DNAJC1: variants seen among roughly 807,000 people sequenced by gnomAD.
DNAJC1 encodes the protein DnaJ heat shock protein family (Hsp40) member C1.
A neutral mutation model predicts 76.6 loss-of-function variants in DNAJC1; 58 were observed. That is an observed-to-expected ratio of 0.76 (90% CI 0.61 to 0.94). The LOEUF is 0.94. DNAJC1 is among the 40% of genes least tolerant of loss of function. The probability of loss-of-function intolerance (pLI) is 0.00; values close to 1 mark genes in which losing one functional copy is unlikely to be tolerated. For missense variants in DNAJC1, 689 were observed against 677.3 expected, an observed-to-expected ratio of 1.02 and a Z score of -0.19; for synonymous variants, 258 against 267.9, an observed-to-expected ratio of 0.96 and a Z score of 0.36.
intron 1 of DNAJC1, among the ~76,000 whole-genome samples, chr10:21,969,245 G>T (rs75193939): frequency 4.0e-4 from 57 of 141,798 alleles, no homozygotes; most frequent in African/African-American, 1.4e-3. Context: ...AAAAAAAAAG[G>T]AGGAAAATCC....
chr10:21,775,460 T>C (rs942204101), intron 9 of DNAJC1, among the ~76,000 whole-genome samples: 18 of 151,054 alleles, frequency 1.2e-4, no homozygotes, highest in African/African-American at 4.4e-4. Context: ...CCTCAAATGA[T>C]CATTTATGAT....
chr10:21,888,876 G>A (rs1836411901), intron 7 of DNAJC1, among the ~76,000 whole-genome samples: 1 of 152,022 alleles, frequency 6.6e-6, no homozygotes, highest in African/African-American at 2.4e-5. Context: ...AAGTCCCTGT[G>A]ACATGAGTTT....
chr10:21,877,596 A>G (rs566686343), intron 8 of DNAJC1, among the ~76,000 whole-genome samples: 53 of 152,216 alleles, frequency 3.5e-4, no homozygotes, highest in Non-Finnish European at 6.5e-4. Flanking sequence ...TCATCAAAGG[A>G]TGCAAATTAG....
intron 11 of DNAJC1, among the ~76,000 whole-genome samples, chr10:21,758,931 C>T (rs1834207488): frequency 6.6e-6 from 1 of 152,204 alleles, no homozygotes; most frequent in South Asian, 2.1e-4. Flanking sequence ...TTTCTATAAG[C>T]AGCTGCCCTG....
chr10:21,839,412 A>C (rs1835531733), intron 8 of DNAJC1, among the ~76,000 whole-genome samples: 1 of 152,218 alleles, frequency 6.6e-6, no homozygotes, highest in Non-Finnish European at 1.5e-5. Context: ...AAAATGATAA[A>C]GGGGATATCA....
At chr10:21,796,280 T>C (rs935212724) in intron 9 of DNAJC1, among the ~76,000 whole-genome samples, 47 of 152,160 alleles carry the variant, frequency 3.1e-4, no homozygotes, top group Non-Finnish European at 3.5e-4. Context: ...ATTCCTTCTT[T>C]TTCATGAATG....
chr10:21,960,843 C>T (rs1837779003), intron 1 of DNAJC1, among the ~76,000 whole-genome samples: 1 of 152,172 alleles, frequency 6.6e-6, no homozygotes, highest in South Asian at 2.1e-4. Context: ...CACCGTGGCA[C>T]ATGTATACAT....
intron 6 of DNAJC1, among the ~76,000 whole-genome samples, chr10:21,916,069 T>C (rs1032297600): frequency 2.0e-5 from 3 of 152,164 alleles, no homozygotes; most frequent in Admixed American, 1.3e-4. Flanking sequence ...ACCATATATA[T>C]CTACAAAGAT....
chr10:21,778,094 C>T (rs1258434630), intron 9 of DNAJC1, among the ~76,000 whole-genome samples: 1 of 152,142 alleles, frequency 6.6e-6, no homozygotes. Context: ...GAGGCTGAAG[C>T]ATGAGAATCG....
intron 8 of DNAJC1, among the ~76,000 whole-genome samples, chr10:21,854,659 T>G (rs1324592553): frequency 6.6e-6 from 1 of 152,140 alleles, no homozygotes; most frequent in Non-Finnish European, 1.5e-5. Flanking sequence ...GTGAAAAGCA[T>G]TCTCAGATTT....
intron 1 of DNAJC1, among the ~76,000 whole-genome samples, chr10:21,958,867 A>G (rs1590067723): frequency 6.6e-6 from 1 of 152,254 alleles, no homozygotes; most frequent in East Asian, 1.9e-4. Context: ...TCTAAAAGTT[A>G]TTAACATGCT....
chr10:21,910,266 C>A (rs1671568406), intron 6 of DNAJC1, among the ~76,000 whole-genome samples: 1 of 152,006 alleles, frequency 6.6e-6, no homozygotes, highest in Non-Finnish European at 1.5e-5. Context: ...CAGGTGCCTG[C>A]CACCACACTC....
chr10:21,880,085 T>C (rs1413659034), intron 8 of DNAJC1, among the ~76,000 whole-genome samples: 3 of 152,242 alleles, frequency 2.0e-5, no homozygotes, highest in Non-Finnish European at 4.4e-5. Context: ...ATAGATTCCA[T>C]CTCAAGAACC....
intron 6 of DNAJC1, among the ~76,000 whole-genome samples, chr10:21,909,039 A>G (rs1325125685): frequency 1.3e-5 from 2 of 152,146 alleles, no homozygotes; most frequent in Non-Finnish European, 2.9e-5. Context: ...GGTGCCCACC[A>G]CCACGTCTGG....
At chr10:21,762,292 CTAA>C (rs894031075) in intron 10 of DNAJC1, among the ~76,000 whole-genome samples, 2 of 152,112 alleles carry the variant, frequency 1.3e-5, no homozygotes, top group Non-Finnish European at 2.9e-5. Flanking sequence ...CCACCACAAT[CTAA>C]AAACATCATT....
intron 9 of DNAJC1, among the ~76,000 whole-genome samples, chr10:21,802,321 A>G (rs1834822920): frequency 6.6e-6 from 1 of 152,128 alleles, no homozygotes; most frequent in Non-Finnish European, 1.5e-5. Context: ...CTCTAAAAGT[A>G]ATAACAATAT....
chr10:21,967,688 A>G (rs1479695395), intron 1 of DNAJC1, among the ~76,000 whole-genome samples: 1 of 152,248 alleles, frequency 6.6e-6, no homozygotes, highest in African/African-American at 2.4e-5. Flanking sequence ...CTCAAGTAAT[A>G]GTCTAGAAAT....
At chr10:21,839,804 A>G (rs1835541929) in intron 8 of DNAJC1, among the ~76,000 whole-genome samples, 1 of 152,222 alleles carries the variant, frequency 6.6e-6, no homozygotes, top group Non-Finnish European at 1.5e-5. Context: ...ACAAAAAAAG[A>G]GAATTTTAGA....
At chr10:21,895,115 T>A (rs1039418817) in intron 7 of DNAJC1, among the ~76,000 whole-genome samples, 19 of 152,200 alleles carry the variant, frequency 1.2e-4, no homozygotes, top group African/African-American at 4.6e-4. Context: ...CCTGAAAATG[T>A]AGAAGTGGCT....
Sources: gnomAD v4.1 joint callset for allele counts (sites outside exome capture counted in the v4.1 genomes callset) on GRCh38, gnomAD v4.1.1 for gene constraint, MANE v1.5 for transcripts, NCBI Gene and HGNC (gene_info 2026-07-23, HGNC 2026-07-21) for gene names.